Variants in RBM20 observed in about 807,000 individuals in gnomAD.
RBM20 encodes the protein RNA binding motif protein 20.
RBM20 carries 51 observed loss-of-function variants against 110.1 expected under a neutral mutation model. The observed-to-expected ratio is 0.46, with a 90% CI of 0.37 to 0.59. The LOEUF (loss-of-function observed/expected upper bound fraction) is 0.59, where lower values mean the gene tolerates loss of function less well. RBM20 is among the 20% of genes least tolerant of loss of function. The pLI is 0.00. For synonymous variants in RBM20, 589 were observed against 618.2 expected (o/e 0.95, Z 0.70); for missense variants, 1,512 against 1,574.9 (o/e 0.96, Z 0.68).
intron 7 of RBM20, among the ~76,000 whole-genome samples, chr10:110,806,032 G>A (rs1215976050): frequency 6.6e-6 from 1 of 152,202 alleles, no homozygotes; most frequent in Non-Finnish European, 1.5e-5. Flanking sequence ...CAGCACTTTG[G>A]GAGGCCGAGG....
At chr10:110,672,558 G>A (rs1219665377) in intron 1 of RBM20, among the ~76,000 whole-genome samples, 1 of 152,264 alleles carries the variant, frequency 6.6e-6, no homozygotes, top group Non-Finnish European at 1.5e-5. Context: ...CTTCCCGGGT[G>A]TTCGCGGAAG....
rs1844889657 is a variant in RBM20 at position 110,820,149 on chromosome 10, T to C, written c.2628T>C (p.Ser876=). 6.4e-7 allele frequency: 1 copy of C among 1,551,326 alleles called. No individual in the cohort carries two copies. Among genetic ancestry groups the C allele is most frequent in the African/African-American group, 1.4e-5 (1 of 73,048 alleles). The change falls in exon 10 of 14, where the codon TCT becomes TCC. Residue 876 remains serine, a synonymous_variant. Coordinates refer to ENST00000369519, the MANE Select transcript of RBM20 (RefSeq NM_001134363.3). ...VGRQEKEAEF[S]DPENTRTKKE... Reference sequence around the variant, plus strand: ...GACAGGAGAAAGAAGCAGAGTTCTCTGATCCGGAAAACACAAGGACAAAGA... The same window carrying C: ...GACAGGAGAAAGAAGCAGAGTTCTCCGATCCGGAAAACACAAGGACAAAGA...
At chr10:110,661,170 T>C (rs1862095810) in intron 1 of RBM20, among the ~76,000 whole-genome samples, 1 of 152,198 alleles carries the variant, frequency 6.6e-6, no homozygotes, top group Non-Finnish European at 1.5e-5. Context: ...ATTTGTTCCC[T>C]CTCTGAGCCC....
chr10:110,839,074 T>C lies in RBM20; in HGVS notation c.*3096T>C, dbSNP rs1464211444. ...ATTGCTCCCTTAAGCAACAGATTCA[T>C]ATTTACCCTGGGTTAATACAACAAA... On this transcript the variant is annotated 3_prime_UTR_variant, in exon 14 of 14. Transcript: ENST00000369519. The C allele has an allele frequency of 6.6e-6, 1 of 152,234 alleles. No homozygotes were observed. Among genetic ancestry groups the C allele is most frequent in the Non-Finnish European group, 1.5e-5 (1 of 68,032 alleles). 9.4% of individuals were successfully genotyped at this position (152,234 alleles called of 1,614,324 possible).
chr10:110,717,192 G>A (rs1277378160), intron 1 of RBM20, among the ~76,000 whole-genome samples: 43 of 152,162 alleles, frequency 2.8e-4, no homozygotes, highest in Admixed American at 2.7e-3. Flanking sequence ...CTTTTGCAAT[G>A]CAAAATAAGG....
intron 1 of RBM20, among the ~76,000 whole-genome samples, chr10:110,672,684 C>T (rs1287599765): frequency 2.0e-5 from 3 of 152,258 alleles, no homozygotes; most frequent in African/African-American, 7.2e-5. Flanking sequence ...ATGGTCTTTT[C>T]TCCTGGAGTG....
At chr10:110,685,938 G>A (rs1285659250) in intron 1 of RBM20, among the ~76,000 whole-genome samples, 2 of 152,210 alleles carry the variant, frequency 1.3e-5, no homozygotes, top group African/African-American at 4.8e-5. Flanking sequence ...GAACTTTTAA[G>A]AGACCCTTTA....
At chr10:110,766,989 GGCCGGGCAGAGGGGCTCCTC>G (rs1213928012) in intron 1 of RBM20, among the ~76,000 whole-genome samples, 9 of 148,220 alleles carry the variant, frequency 6.1e-5, no homozygotes, top group South Asian at 2.2e-4. Flanking sequence ...CGGGGCGGCT[GGCCGGGCAGAGGGGCTCCTC>G]ACTTCCCAGT....
intron 1 of RBM20, among the ~76,000 whole-genome samples, chr10:110,695,755 C>T (rs1337326982): frequency 6.6e-6 from 1 of 152,228 alleles, no homozygotes; most frequent in Non-Finnish European, 1.5e-5. Flanking sequence ...GTGTCATTTT[C>T]TGCTTTAACA....
At chr10:110,703,916 A>G (rs890732450) in intron 1 of RBM20, among the ~76,000 whole-genome samples, 1 of 152,220 alleles carries the variant, frequency 6.6e-6, no homozygotes, top group Admixed American at 6.5e-5. Context: ...GTTCGAGACC[A>G]GCCTGGCCAA....
At chr10:110,807,299 G>T (rs1251237143) in intron 7 of RBM20, among the ~76,000 whole-genome samples, 2 of 152,208 alleles carry the variant, frequency 1.3e-5, no homozygotes, top group African/African-American at 4.8e-5. Flanking sequence ...TGGGCTGAAA[G>T]TGACCCCAGG....
intron 1 of RBM20, among the ~76,000 whole-genome samples, chr10:110,703,207 T>C (rs1285016215): frequency 6.6e-6 from 1 of 151,498 alleles, no homozygotes; most frequent in East Asian, 1.9e-4. Flanking sequence ...TGAAACACCA[T>C]CTCTACTAAA....
At position 110,836,844 on chromosome 10, in the gene RBM20, C is replaced by T. The variant is rs1845137732; in HGVS notation, c.*866C>T. On this transcript the variant is annotated 3_prime_UTR_variant, in exon 14 of 14. Transcript: ENST00000369519. ...TAATTAAATATAAAAACAGAAGCAT[C>T]TTCCTCCAGCTAAAGCAGCAGTTGG... 1 of 152,212 alleles carries T rather than the reference C, an allele frequency of 6.6e-6. No individual in the cohort carries two copies. Among genetic ancestry groups the T allele is most frequent in the Admixed American group, 6.5e-5 (1 of 15,286 alleles). 9.4% of individuals were successfully genotyped at this position (152,212 alleles called of 1,614,324 possible). A position where few individuals can be genotyped will look rare whatever the true frequency, so the allele number is the denominator to read the frequency against.
intron 1 of RBM20, among the ~76,000 whole-genome samples, chr10:110,666,419 G>A (rs554466432): frequency 1.9e-4 from 29 of 152,258 alleles, no homozygotes; most frequent in Non-Finnish European, 3.7e-4. Context: ...GAGGCAGGAC[G>A]ATTGCCTGAG....
Position 110,793,154 on chromosome 10 carries a change from G to A in RBM20, c.1528-4354G>A, listed in dbSNP as rs569532277. Among the ~76,000 whole-genome samples the A allele has an allele frequency of 1.8e-4, 28 of 152,298 alleles. No homozygotes were observed. In the South Asian group the frequency reaches 5.6e-3, roughly 30 times the overall value. On this transcript the variant is annotated intron_variant, in intron 5 of 13. Coordinates refer to ENST00000369519, the MANE Select transcript of RBM20 (RefSeq NM_001134363.3). ...GTGGGGAAACTAAGGCTCAGAAAAG[G>A]AAACTAGTTTGTCTCTGTCATGCAC...
At chr10:110,712,027 G>C (rs904169065) in intron 1 of RBM20, among the ~76,000 whole-genome samples, 2 of 152,230 alleles carry the variant, frequency 1.3e-5, no homozygotes, top group African/African-American at 4.8e-5. Context: ...TTTCTTATTA[G>C]AATCAGTAAT....
intron 1 of RBM20, among the ~76,000 whole-genome samples, chr10:110,741,419 C>G (rs892264841): frequency 6.6e-6 from 1 of 152,188 alleles, no homozygotes; most frequent in South Asian, 2.1e-4. Flanking sequence ...CTGGCACCAA[C>G]AACTTCATGT....
At chr10:110,780,330 A>G (rs1294712107) in intron 1 of RBM20, among the ~76,000 whole-genome samples, 1 of 152,190 alleles carries the variant, frequency 6.6e-6, no homozygotes, top group Non-Finnish European at 1.5e-5. Context: ...ATCTTTGGGT[A>G]TCAAATTTTG....
intron 1 of RBM20, among the ~76,000 whole-genome samples, chr10:110,770,232 G>A (rs1409745794): frequency 6.6e-6 from 1 of 152,034 alleles, no homozygotes; most frequent in Non-Finnish European, 1.5e-5. Context: ...CTCCTCTCCG[G>A]GTGCCCACCA....
Sources: allele counts gnomAD v4.1 joint callset (sites outside exome capture counted in the v4.1 genomes callset), GRCh38; gene constraint gnomAD v4.1.1; transcripts MANE v1.5; gene names NCBI Gene and HGNC (gene_info 2026-07-23, HGNC 2026-07-21).